Variants in EPHA6 observed in about 807,000 individuals in gnomAD.
EPHA6 encodes the protein ephrin type-A receptor 6.
A neutral mutation model predicts 112.0 loss-of-function variants in EPHA6; 50 were observed. The ratio of observed to expected loss-of-function variants is 0.45; its 90% CI spans 0.36 to 0.56. The LOEUF is 0.56. Among genes scored for constraint, EPHA6 ranks in the 20% least tolerant of loss-of-function variants. The pLI is 0.00. For synonymous variants in EPHA6, 529 were observed against 490.7 expected, an observed-to-expected ratio of 1.08 and a Z score of -1.03; for missense variants, 1,280 against 1,417.4, an observed-to-expected ratio of 0.90 and a Z score of 1.56.
Position 97,063,224 on chromosome 3 carries a change from C to A in EPHA6, c.1114+75231C>A, listed in dbSNP as rs115577856. 5.3e-3 allele frequency among the ~76,000 whole-genome samples: 813 copies of A among 152,236 alleles called. 14 individuals carry two copies. Among genetic ancestry groups the A allele is most frequent in the African/African-American group, 0.018 (765 of 41,550 alleles). ...AGTATATACCCAATGGAATATAAAT[C>A]TTTCTATTATAAAGATGCATGCATG... On this transcript the variant is annotated intron_variant, in intron 3 of 17. Transcript: ENST00000389672.
At chr3:97,240,126 T>C (rs1357519655) in intron 4 of EPHA6, among the ~76,000 whole-genome samples, 1 of 151,734 alleles carries the variant, frequency 6.6e-6, no homozygotes, top group Non-Finnish European at 1.5e-5. Flanking sequence ...ACAAAACATA[T>C]AGATAGAGAA....
chr3:97,734,831 T>G (rs1257022086), intron 15 of EPHA6, among the ~76,000 whole-genome samples: 2 of 152,068 alleles, frequency 1.3e-5, no homozygotes, highest in Non-Finnish European at 2.9e-5. Flanking sequence ...GTCTTTTCCC[T>G]GGAGATAAGA....
At chr3:97,310,179 G>A (rs1177417060) in intron 5 of EPHA6, among the ~76,000 whole-genome samples, 1 of 151,236 alleles carries the variant, frequency 6.6e-6, no homozygotes, top group Non-Finnish European at 1.5e-5. Flanking sequence ...TACTATATTG[G>A]TTAGAAGTGT....
intron 6 of EPHA6, among the ~76,000 whole-genome samples, chr3:97,447,324 G>T (rs978656746): frequency 6.6e-6 from 1 of 151,956 alleles, no homozygotes; most frequent in Non-Finnish European, 1.5e-5. Context: ...AAATAACAGT[G>T]GTTTTCAGGC....
intron 4 of EPHA6, among the ~76,000 whole-genome samples, chr3:97,237,881 T>G (rs906770566): frequency 6.6e-6 from 1 of 152,008 alleles, no homozygotes; most frequent in Non-Finnish European, 1.5e-5. Flanking sequence ...TCAAAAAATC[T>G]AAGGCCAGGT....
intron 10 of EPHA6, among the ~76,000 whole-genome samples, chr3:97,528,999 G>T (rs565291233): frequency 6.6e-6 from 1 of 152,232 alleles, no homozygotes; most frequent in East Asian, 1.9e-4. Flanking sequence ...CCATTTAATA[G>T]TGAAGCATTC....
chr3:97,232,882 A>G (rs1331239287), intron 4 of EPHA6, among the ~76,000 whole-genome samples: 2 of 152,170 alleles, frequency 1.3e-5, no homozygotes, highest in Non-Finnish European at 2.9e-5. Flanking sequence ...GGGAGGGGCC[A>G]CATGCACAGT....
At chr3:97,481,239 T>A in intron 9 of EPHA6, 2 of 1,410,512 alleles carry the variant, frequency 1.4e-6, no homozygotes, top group Non-Finnish European at 2.0e-6. Context: ...ATTTGGACTT[T>A]TAGATCACGT....
intron 3 of EPHA6, among the ~76,000 whole-genome samples, chr3:97,106,152 T>C (rs2047560624): frequency 6.6e-6 from 1 of 152,092 alleles, no homozygotes; most frequent in African/African-American, 2.4e-5. Context: ...ATGGAAATGC[T>C]TAGAAAGATT....
chr3:97,139,507 C>G (rs943919040), intron 3 of EPHA6, among the ~76,000 whole-genome samples: 9 of 152,154 alleles, frequency 5.9e-5, no homozygotes, highest in African/African-American at 1.9e-4. Context: ...CCTGCACACA[C>G]TCACAGTACA....
intron 14 of EPHA6, among the ~76,000 whole-genome samples, chr3:97,684,187 G>A (rs191573743): frequency 4.2e-4 from 64 of 151,968 alleles, no homozygotes; most frequent in Non-Finnish European, 8.8e-4. Flanking sequence ...ATTCTTTTTC[G>A]TACTCAGCAC....
rs143786562 is a variant in EPHA6, at chr3:97,498,870, C to T, written c.2200+14811C>T. Among the ~76,000 whole-genome samples the T allele has an allele frequency of 5.6e-4, 85 of 152,230 alleles. 2 individuals are homozygous for T. In the South Asian group the frequency reaches 0.012, roughly 22 times the overall value. On this transcript the variant is annotated intron_variant, in intron 10 of 17. Transcript: ENST00000389672. ...CTATCCTCCCCCAACCCTTCATCTGCGGAAAAATTGTCTTCCATGAAACCA... is the reference window on the plus strand; with the variant it reads ...CTATCCTCCCCCAACCCTTCATCTGTGGAAAAATTGTCTTCCATGAAACCA...
chr3:96,909,806 A>G (rs914184630), intron 2 of EPHA6, among the ~76,000 whole-genome samples: 1 of 152,142 alleles, frequency 6.6e-6, no homozygotes, highest in East Asian at 1.9e-4. Context: ...AACTTTCTTG[A>G]CCAGAAACTC....
intron 16 of EPHA6, among the ~76,000 whole-genome samples, chr3:97,739,498 AC>A (rs2035412367): frequency 6.6e-6 from 1 of 152,136 alleles, no homozygotes; most frequent in Non-Finnish European, 1.5e-5. Context: ...ATAATTTTAT[AC>A]TAACATATTG....
chr3:97,498,115 C>G (rs1157014905), intron 10 of EPHA6, among the ~76,000 whole-genome samples: 1 of 152,054 alleles, frequency 6.6e-6, no homozygotes, highest in Admixed American at 6.6e-5. Flanking sequence ...AAAATCTGGT[C>G]TATGTTCTTG....
chr3:97,209,940 G>A, intron 3 of EPHA6, among the ~76,000 whole-genome samples: 1 of 151,986 alleles, frequency 6.6e-6, no homozygotes, highest in East Asian at 1.9e-4. Context: ...CAGAAAATGA[G>A]GTGACCACAT....
At chr3:97,630,011 A>C (rs1283213145) in intron 13 of EPHA6, among the ~76,000 whole-genome samples, 1 of 152,028 alleles carries the variant, frequency 6.6e-6, no homozygotes, top group Non-Finnish European at 1.5e-5. Context: ...TTCAGTAGTA[A>C]CCTTTGTAAG....
intron 3 of EPHA6, among the ~76,000 whole-genome samples, chr3:97,041,489 G>A (rs772257112): frequency 3.9e-5 from 6 of 152,078 alleles, no homozygotes; most frequent in Non-Finnish European, 8.8e-5. Flanking sequence ...AACCTCCTAT[G>A]AAAGGGTGTC....
chr3:97,212,394 A>G (rs1051844081), intron 3 of EPHA6, among the ~76,000 whole-genome samples: 21 of 152,220 alleles, frequency 1.4e-4, no homozygotes, highest in Admixed American at 2.6e-4. Flanking sequence ...TTATAGAAAC[A>G]ACATAGTAGC....
Sources: allele counts gnomAD v4.1 joint callset (sites outside exome capture counted in the v4.1 genomes callset), GRCh38; gene constraint gnomAD v4.1.1; transcripts MANE v1.5; gene names NCBI Gene and HGNC (gene_info 2026-07-23, HGNC 2026-07-21).